CXADR: variants seen among roughly 807,000 people sequenced by gnomAD.
CXADR encodes CXADR cell adhesion molecule, also known as coxsackievirus and adenovirus receptor.
Under a neutral mutation model 40.3 loss-of-function variants are expected in CXADR, and 20 were observed. The ratio of observed to expected loss-of-function variants is 0.50; its 90% confidence interval spans 0.35 to 0.72. CXADR has a LOEUF of 0.72. Ranked by LOEUF, CXADR falls within the 30% of genes least tolerant of loss-of-function variation. CXADR has a pLI of 0.01. For synonymous variants in CXADR, 150 were observed against 161.3 expected, an observed-to-expected ratio of 0.93 and a Z score of 0.53; for missense variants, 332 against 449.1, an observed-to-expected ratio of 0.74 and a Z score of 2.36.
chr21:17,513,750 C>G (rs1162768354), intron 1 of CXADR, among the ~76,000 whole-genome samples: 1 of 152,218 alleles, frequency 6.6e-6, no homozygotes, highest in East Asian at 1.9e-4. Flanking sequence ...AGCAGCTCGC[C>G]CAGGCAGGAG....
chr21:17,522,573 A>G (rs548613564), intron 1 of CXADR, among the ~76,000 whole-genome samples: 34 of 152,242 alleles, frequency 2.2e-4, no homozygotes, highest in African/African-American at 6.0e-4. Flanking sequence ...TTCTACTTCT[A>G]TGAAACTGCA....
chr21:17,606,242 AGTTTGAGT>A, the CXADR span, among the ~76,000 whole-genome samples: 1 of 152,108 alleles, frequency 6.6e-6, no homozygotes, highest in Non-Finnish European at 1.5e-5. Flanking sequence ...AGGCAGAGAG[AGTTTGAGT>A]AACTTCCCAA....
chr21:17,581,525 GTTGAGCATCTTT>G (rs1252672598), intron 7 of CXADR, among the ~76,000 whole-genome samples: 1 of 152,128 alleles, frequency 6.6e-6, no homozygotes, highest in African/African-American at 2.4e-5. Context: ...AATTTGCTCA[GTTGAGCATCTTT>G]TTCTTTGTTT....
At chr21:17,628,723 G>A in the CXADR span, among the ~76,000 whole-genome samples, 11 of 152,146 alleles carry the variant, frequency 7.2e-5, no homozygotes, top group South Asian at 6.2e-4. Flanking sequence ...GACTGGTCTC[G>A]AACTCCTGAC....
intron 1 of CXADR, among the ~76,000 whole-genome samples, chr21:17,529,222 G>A (rs922156777): frequency 5.9e-5 from 9 of 151,654 alleles, no homozygotes; most frequent in South Asian, 2.1e-4. Flanking sequence ...TAGTAGAGAC[G>A]TGGTTTCACC....
intron 2 of CXADR, among the ~76,000 whole-genome samples, chr21:17,548,863 A>G (rs1016500105): frequency 2.0e-5 from 3 of 152,230 alleles, no homozygotes; most frequent in Non-Finnish European, 4.4e-5. Flanking sequence ...TTTCTGGGTT[A>G]AAAACCTAGC....
At chr21:17,518,466 T>A in intron 1 of CXADR, 1 of 736,872 alleles carries the variant, frequency 1.4e-6, no homozygotes, top group Non-Finnish European at 2.5e-6. Flanking sequence ...TCTGTAAAAC[T>A]TTGGAACCAC....
the CXADR span, chr21:17,605,027 T>C: frequency 6.2e-7 from 1 of 1,604,196 alleles, no homozygotes; most frequent in South Asian, 1.1e-5. Context: ...CGTTAATGGA[T>C]TTAAATGAAT....
the CXADR span, among the ~76,000 whole-genome samples, chr21:17,635,666 C>T: frequency 2.6e-5 from 4 of 152,324 alleles, no homozygotes; most frequent in South Asian, 8.3e-4. Flanking sequence ...ACTAATTCTA[C>T]TCTTAGAAAT....
chr21:17,547,149 G>A lies in CXADR; in HGVS notation c.166G>A (p.Glu56Lys), dbSNP rs769003563. 2 of 1,614,074 alleles carry A rather than the reference G, an allele frequency of 1.2e-6. No homozygotes were observed. The highest frequency in any genetic ancestry group is 1.7e-6 in the Non-Finnish European group (2 of 1,180,048). ...SPEDQGPLDI[E>K]WLISPADNQK... is the part of the protein sequence containing the mutation. ...CGAAGACCAGGGACCGCTGGACATCGAGTGGCTGATATCACCAGCTGATAA... is the reference window on the plus strand; with the variant it reads ...CGAAGACCAGGGACCGCTGGACATCAAGTGGCTGATATCACCAGCTGATAA... Residue 56 changes from glutamate to lysine, a missense_variant, in exon 2 of 7, where the codon GAG (glutamate) becomes AAG (lysine). Physicochemically the swap from Glu to Lys is moderately conservative, Grantham distance 56. Coordinates refer to ENST00000284878, the MANE Select transcript of CXADR (RefSeq NM_001338.5).
At chr21:17,551,214 A>G (rs1159078747) in intron 2 of CXADR, among the ~76,000 whole-genome samples, 1 of 152,192 alleles carries the variant, frequency 6.6e-6, no homozygotes, top group African/African-American at 2.4e-5. Flanking sequence ...AGCCTGGCCA[A>G]CGTGGTGAAA....
At chr21:17,628,441 G>A in the CXADR span, among the ~76,000 whole-genome samples, 6 of 152,162 alleles carry the variant, frequency 3.9e-5, no homozygotes, top group African/African-American at 1.2e-4. Flanking sequence ...CGGCGGGCTT[G>A]AGACCCAGGA....
chr21:17,544,233 T>G (rs575763409), intron 1 of CXADR, among the ~76,000 whole-genome samples: 1 of 152,308 alleles, frequency 6.6e-6, no homozygotes, highest in African/African-American at 2.4e-5. Context: ...CTGAGTTTAT[T>G]AGAAATAATA....
Position 17,561,322 on chromosome 21 carries a change from A to T in CXADR, c.695-16A>T. The T allele has an allele frequency of 6.7e-7, 1 of 1,485,362 alleles. No individual in the cohort carries two copies. Among genetic ancestry groups the T allele is most frequent in the Middle Eastern group, 2.4e-4 (1 of 4,090 alleles). 92.0% of individuals were successfully genotyped at this position (1,485,362 alleles called of 1,614,324 possible). A position where few individuals can be genotyped will look rare whatever the true frequency, so the allele number is the denominator to read the frequency against. ...TATATGTATATATTTTTTACTATTA[A>T]TTCTTCTTATTTTAGCTTCAAATAA... On this transcript the variant is annotated splice_polypyrimidine_tract_variant and intron_variant, in intron 5 of 6. Transcript: ENST00000284878.
At chr21:17,572,954 A>C (rs1461598846), downstream of CXADR, among the ~76,000 whole-genome samples, 2 of 152,200 alleles carry the variant, frequency 1.3e-5, no homozygotes, top group Non-Finnish European at 2.9e-5. Context: ...AGTCATTTAC[A>C]AGTCATTTCT....
rs1440963735 is a variant in CXADR, at chr21:17,537,231, G to C, written c.44-9796G>C. On this transcript the variant is annotated intron_variant, in intron 1 of 6. Coordinates refer to ENST00000284878, the MANE Select transcript of CXADR (RefSeq NM_001338.5). ...CCTCTGATTTGTTGTTTTTATTATT[G>C]GTCCCAGACCAAAACAATCTCACTG... Among the ~76,000 whole-genome samples the C allele has an allele frequency of 2.0e-5, 3 of 152,064 alleles. No homozygotes were observed. The East Asian group carries it at 5.8e-4, about 29-fold the overall frequency.
intron 1 of CXADR, among the ~76,000 whole-genome samples, chr21:17,524,810 G>A (rs1049316214): frequency 6.6e-5 from 10 of 151,410 alleles, no homozygotes; most frequent in Non-Finnish European, 1.5e-4. Context: ...TCGGGAGGCT[G>A]AGGTAGGAGA....
chr21:17,516,918 G>A (rs1488897649), intron 1 of CXADR, among the ~76,000 whole-genome samples: 1 of 151,402 alleles, frequency 6.6e-6, no homozygotes, highest in Non-Finnish European at 1.5e-5. Context: ...GTTATATGTA[G>A]ATAAACATAC....
intron 1 of CXADR, among the ~76,000 whole-genome samples, chr21:17,515,671 G>A (rs1258923400): frequency 6.6e-6 from 1 of 152,114 alleles, no homozygotes; most frequent in Non-Finnish European, 1.5e-5. Flanking sequence ...AATTAGCCGA[G>A]CCTGGTGGCA....
Sources: allele counts gnomAD v4.1 joint callset (sites outside exome capture counted in the v4.1 genomes callset), GRCh38; gene constraint gnomAD v4.1.1; transcripts MANE v1.5; gene names NCBI Gene and HGNC (gene_info 2026-07-23, HGNC 2026-07-21).